Variants in COP1 observed in about 807,000 individuals in gnomAD.
The protein encoded by COP1 is COP1 E3 ubiquitin ligase, also known as E3 ubiquitin-protein ligase COP1.
In COP1, 24 loss-of-function variants were observed where a neutral mutation model predicts 101.3. That is an observed-to-expected ratio of 0.24 (90% CI 0.17 to 0.33). The LOEUF (loss-of-function observed/expected upper bound fraction) is 0.33. COP1 is among the 10% of genes least tolerant of loss of function. COP1 has a pLI of 1.00. For missense variants in COP1, 663 were observed against 906.2 expected (o/e 0.73, Z 3.45); for synonymous variants, 347 against 341.9 (o/e 1.01, Z -0.17).
chr1:176,031,846 A>G (rs1668695788), intron 14 of COP1, among the ~76,000 whole-genome samples: 1 of 152,222 alleles, frequency 6.6e-6, no homozygotes, highest in Non-Finnish European at 1.5e-5. Flanking sequence ...ACTACAGAAT[A>G]AAGTATATCA....
At chr1:176,100,951 GA>G (rs1572235307) in intron 9 of COP1, among the ~76,000 whole-genome samples, 1 of 152,158 alleles carries the variant, frequency 6.6e-6, no homozygotes, top group East Asian at 1.9e-4. Flanking sequence ...GATGGATCCA[GA>G]GGCAGATGAT....
chr1:176,096,560 G>A (rs564778890), intron 9 of COP1, among the ~76,000 whole-genome samples: 1 of 152,360 alleles, frequency 6.6e-6, no homozygotes, highest in East Asian at 1.9e-4. Flanking sequence ...CTGAGCCAGG[G>A]GGAAAGGAAC....
chr1:176,116,140 G>A (rs1475069314), intron 9 of COP1, among the ~76,000 whole-genome samples: 2 of 152,168 alleles, frequency 1.3e-5, no homozygotes, highest in East Asian at 3.8e-4. Flanking sequence ...CACTGTGGGA[G>A]GGTGAGGCAG....
intron 11 of COP1, among the ~76,000 whole-genome samples, chr1:176,053,718 C>G (rs186857373): frequency 3.9e-5 from 6 of 152,172 alleles, no homozygotes; most frequent in African/African-American, 1.4e-4. Context: ...TCCTTCAAGG[C>G]CATTGTGATC....
At chr1:176,156,245 G>C (rs1693429896) in intron 5 of COP1, among the ~76,000 whole-genome samples, 1 of 152,028 alleles carries the variant, frequency 6.6e-6, no homozygotes, top group Non-Finnish European at 1.5e-5. Context: ...AACTGTGTGG[G>C]AGAAAAGGCC....
chr1:176,081,360 C>T (rs971374609), intron 10 of COP1, 73 bp from the exon 11 acceptor site: 2 of 1,201,568 alleles, frequency 1.7e-6, no homozygotes, highest in South Asian at 1.7e-5. Context: ...GCCACATCCA[C>T]AAATTAAAAT....
At chr1:175,998,802 G>A (rs1393418321) in intron 15 of COP1, among the ~76,000 whole-genome samples, 2 of 151,944 alleles carry the variant, frequency 1.3e-5, no homozygotes, top group Non-Finnish European at 2.9e-5. Context: ...GGTAATCCTA[G>A]GTAGGATAAG....
intron 1 of COP1, among the ~76,000 whole-genome samples, chr1:176,200,175 T>C (rs1398233873): frequency 3.9e-5 from 6 of 152,166 alleles, no homozygotes; most frequent in Non-Finnish European, 7.4e-5. Flanking sequence ...GTTGTGAAGA[T>C]TAAACAAGTA....
In COP1 at chr1:175,982,688, C is replaced by T. The variant is rs1405919113; in HGVS notation, c.2133+4255G>A. Among the ~76,000 whole-genome samples, 7 of 152,088 alleles carry T rather than the reference C, an allele frequency of 4.6e-5. No homozygotes were observed. The East Asian group carries it at 7.7e-4, about 17-fold the overall frequency. On this transcript the variant is annotated intron_variant, in intron 18 of 19. Transcript: ENST00000367669. ...GGAGGGTCAGTGCCTCTTGCCCCCACGTTGTCAAGGTTAAACTGTATATAA... is the reference window on the plus strand; with the variant it reads ...GGAGGGTCAGTGCCTCTTGCCCCCATGTTGTCAAGGTTAAACTGTATATAA...
chr1:175,989,180 A>C (rs1194168612), intron 16 of COP1, 182 bp downstream of exon 16: 2 of 423,664 alleles, frequency 4.7e-6, no homozygotes, highest in Admixed American at 7.4e-5. Context: ...ATAAAAGTGC[A>C]CAATACAGAC....
chr1:176,193,823 C>A (rs925202554), intron 1 of COP1, among the ~76,000 whole-genome samples: 6 of 152,008 alleles, frequency 3.9e-5, no homozygotes, highest in Non-Finnish European at 8.8e-5. Flanking sequence ...TTAACGGGTA[C>A]AGAGTTTCTT....
intron 15 of COP1, among the ~76,000 whole-genome samples, chr1:176,012,702 T>C (rs1664898817): frequency 6.6e-6 from 1 of 152,182 alleles, no homozygotes. Context: ...GTATTCTTAC[T>C]GTAGCTTTTC....
At chr1:176,103,781 T>G (rs892964278) in intron 9 of COP1, among the ~76,000 whole-genome samples, 4 of 152,146 alleles carry the variant, frequency 2.6e-5, no homozygotes, top group African/African-American at 7.2e-5. Context: ...AAAAAATGCT[T>G]AGAAATAAAC....
intron 9 of COP1, among the ~76,000 whole-genome samples, chr1:176,114,643 A>G (rs1685878869): frequency 6.6e-6 from 1 of 151,916 alleles, no homozygotes; most frequent in South Asian, 2.1e-4. Flanking sequence ...GCTGGAGTAC[A>G]CTGGCATGAT....
At chr1:176,067,805 A>C (rs1676267578) in intron 11 of COP1, among the ~76,000 whole-genome samples, 1 of 152,196 alleles carries the variant, frequency 6.6e-6, no homozygotes. Context: ...AAACCAAAAC[A>C]GCATTCTATA....
intron 4 of COP1, 149 bp downstream of exon 4, chr1:176,163,666 A>T (rs1694682040): frequency 1.9e-6 from 1 of 527,702 alleles, no homozygotes; most frequent in Non-Finnish European, 3.4e-6. Context: ...TGCAGTTAAG[A>T]AAGTTAGTTA....
At chr1:175,981,969 C>CA (rs1490069755) in intron 18 of COP1, among the ~76,000 whole-genome samples, 2 of 151,910 alleles carry the variant, frequency 1.3e-5, no homozygotes, top group Non-Finnish European at 2.9e-5. Flanking sequence ...TTTCTATCAT[C>CA]AAAAAGACAA....
At chr1:176,043,669 ATG>A (rs1416318689) in intron 13 of COP1, 39 bp downstream of exon 13, 1 of 1,161,234 alleles carries the variant, frequency 8.6e-7, no homozygotes. Flanking sequence ...AACAAACCAA[ATG>A]TATGATTCAT....
At chr1:176,044,539 T>C (rs1217556326) in intron 12 of COP1, among the ~76,000 whole-genome samples, 1 of 152,244 alleles carries the variant, frequency 6.6e-6, no homozygotes, top group Non-Finnish European at 1.5e-5. Context: ...GTTGCATTGA[T>C]GCTAAATTCC....
Sources: allele counts gnomAD v4.1 joint callset (sites outside exome capture counted in the v4.1 genomes callset), GRCh38; gene constraint gnomAD v4.1.1; transcripts MANE v1.5; gene names NCBI Gene and HGNC (gene_info 2026-07-23, HGNC 2026-07-21).